PHLPP1: variants seen among roughly 807,000 people sequenced by gnomAD.
The protein encoded by PHLPP1 is PH domain and leucine rich repeat protein phosphatase 1, also known as PH domain leucine-rich repeat-containing protein phosphatase 1.
Under a neutral mutation model 117.2 loss-of-function variants are expected in PHLPP1, and 42 were observed. The observed-to-expected ratio is 0.36, with a 90% CI of 0.28 to 0.46. The LOEUF is 0.46. PHLPP1 is among the 20% of genes least tolerant of loss of function. The pLI, the probability that PHLPP1 is intolerant of heterozygous loss-of-function variation, is 1.00. For synonymous variants in PHLPP1, 1,042 were observed against 970.7 expected (o/e 1.07, Z -1.37); for missense variants, 2,084 against 2,241.9 (o/e 0.93, Z 1.42).
At chr18:62,937,155 A>G (rs927832766) in intron 10 of PHLPP1, among the ~76,000 whole-genome samples, 1 of 152,248 alleles carries the variant, frequency 6.6e-6, no homozygotes, top group Non-Finnish European at 1.5e-5. Flanking sequence ...GTGTGCTGGA[A>G]ATTACTAAAA....
chr18:62,930,392 T>C (rs1336582885), intron 10 of PHLPP1, among the ~76,000 whole-genome samples: 2 of 152,078 alleles, frequency 1.3e-5, no homozygotes, highest in African/African-American at 2.4e-5. Context: ...AGAGAGATCA[T>C]GCAAATAGAA....
At chr18:62,736,887 A>C (rs1004352731) in intron 1 of PHLPP1, among the ~76,000 whole-genome samples, 1 of 152,088 alleles carries the variant, frequency 6.6e-6, no homozygotes, top group Non-Finnish European at 1.5e-5. Flanking sequence ...GGAGCCATTT[A>C]TTTTTTTCCG....
chr18:62,832,540 G>GT (rs1914786658), intron 2 of PHLPP1, among the ~76,000 whole-genome samples: 1 of 152,192 alleles, frequency 6.6e-6, no homozygotes, highest in Non-Finnish European at 1.5e-5. Flanking sequence ...TCCCAGGTCT[G>GT]TTACTGGATG....
intron 1 of PHLPP1, among the ~76,000 whole-genome samples, chr18:62,817,977 C>A (rs372855731): frequency 1.3e-5 from 2 of 151,462 alleles, no homozygotes; most frequent in Non-Finnish European, 2.9e-5. Context: ...GCCTCAGCCT[C>A]CCGAGTAGCT....
chr18:62,807,745 C>A (rs1056311198), intron 1 of PHLPP1, among the ~76,000 whole-genome samples: 1 of 151,970 alleles, frequency 6.6e-6, no homozygotes, highest in African/African-American at 2.4e-5. Context: ...ATCTAAACTT[C>A]TAAATATAGA....
chr18:62,924,921 C>G (rs909289539), intron 10 of PHLPP1, among the ~76,000 whole-genome samples: 1 of 151,308 alleles, frequency 6.6e-6, no homozygotes, highest in Non-Finnish European at 1.5e-5. Context: ...ATTTGGTAAC[C>G]AAATAACAAA....
chr18:62,912,321 AAAAAAT>A (rs1916978266), intron 8 of PHLPP1, among the ~76,000 whole-genome samples: 1 of 145,838 alleles, frequency 6.9e-6, no homozygotes, highest in African/African-American at 2.5e-5. Context: ...AAAATTAAAA[AAAAAAT>A]AATAAAAAAC....
At chr18:62,744,371 T>G (rs901175101) in intron 1 of PHLPP1, among the ~76,000 whole-genome samples, 4 of 152,250 alleles carry the variant, frequency 2.6e-5, no homozygotes, top group Non-Finnish European at 5.9e-5. Context: ...ATTCAATGCA[T>G]TTTTTGCCTC....
chr18:62,924,446 G>A (rs1003245943), intron 10 of PHLPP1, among the ~76,000 whole-genome samples: 1 of 152,072 alleles, frequency 6.6e-6, no homozygotes, highest in African/African-American at 2.4e-5. Context: ...ACACAGAGCA[G>A]AAGACCATAT....
intron 3 of PHLPP1, 28 bp from the exon 4 acceptor site, chr18:62,860,407 A>T (rs1423098155): frequency 3.8e-6 from 6 of 1,597,824 alleles, no homozygotes; most frequent in Non-Finnish European, 5.1e-6. Flanking sequence ...AGTGGATGGT[A>T]TTAAAATTAA....
chr18:62,944,074 T>G (rs1433088567), intron 11 of PHLPP1, among the ~76,000 whole-genome samples: 1 of 152,166 alleles, frequency 6.6e-6, no homozygotes, highest in Non-Finnish European at 1.5e-5. Flanking sequence ...GGTTTTTTTT[T>G]GTTAAATTCT....
chr18:62,913,309 A>G (rs1264666999), intron 8 of PHLPP1, among the ~76,000 whole-genome samples: 5 of 152,228 alleles, frequency 3.3e-5, no homozygotes, highest in African/African-American at 1.2e-4. Context: ...ATTAAAAAAA[A>G]AAATGAGCAT....
At chr18:62,890,304 T>C (rs1017801263) in intron 4 of PHLPP1, among the ~76,000 whole-genome samples, 4 of 152,272 alleles carry the variant, frequency 2.6e-5, no homozygotes, top group African/African-American at 9.6e-5. Flanking sequence ...TCTTGCTTTG[T>C]CACCCAGGCT....
chr18:62,725,704 A>G (rs1911049711), intron 1 of PHLPP1, among the ~76,000 whole-genome samples: 1 of 152,248 alleles, frequency 6.6e-6, no homozygotes, highest in African/African-American at 2.4e-5. Context: ...AACTGTGGAA[A>G]CAAATATTTC....
chr18:62,903,156 C>T lies in PHLPP1; in HGVS notation c.2637C>T (p.Ala879=). Residue 879 remains alanine (A), a synonymous_variant, in exon 7 of 17, where the codon GCC becomes GCT. Coordinates refer to ENST00000262719, the MANE Select transcript of PHLPP1 (RefSeq NM_194449.4). ...ICGYFLKALY[A]SSNELVQLDV... ...GCTATTTCCTAAAAGCGCTCTATGC[C>T]TCTTCTAATGGTATGTATCATAGGC... The T allele has an allele frequency of 6.2e-7, 1 of 1,608,070 alleles. No homozygotes were observed. The highest frequency in any genetic ancestry group is 2.2e-5 in the East Asian group (1 of 44,842).
rs1041153604 is a variant in PHLPP1, at chr18:62,945,248, G to C, written c.3301G>C (p.Val1101Leu). 8 of 1,605,084 alleles carry C rather than the reference G, an allele frequency of 5.0e-6. No homozygotes were observed. The highest frequency in any genetic ancestry group is 5.9e-6 in the Non-Finnish European group (7 of 1,177,210). The change falls in exon 12 of 17, where the codon GTT becomes CTT. Residue 1101 changes from valine to leucine, a missense_variant. By Grantham distance (32) the Val-to-Leu change is conservative (BLOSUM62 1). Around this residue, in one of 2 missense-constraint regions of PHLPP1, gnomAD observed 1,365 missense variants for 1,605.9 expected, o/e 0.85. Coordinates refer to ENST00000262719, the MANE Select transcript of PHLPP1 (RefSeq NM_194449.4). ...CAACTGCATCGAGGTCTTTCCCGAA[G>C]TTATGCAGCTCCCAGAGATCAAGGT... ...HSNCIEVFPE[V>L]MQLPEIKCVD... is the part of the protein sequence containing the mutation.
rs200682467 is a variant in PHLPP1, at chr18:62,857,414, G to A, written c.1900-3021G>A. On this transcript the variant is annotated intron_variant, in intron 3 of 16. Transcript: ENST00000262719. ...AGCAGCTGGTTCTCTTTCTTTCCTGGTTTCAGAATATGTAAATCCCAGAGA... is the reference window on the plus strand; with the variant it reads ...AGCAGCTGGTTCTCTTTCTTTCCTGATTTCAGAATATGTAAATCCCAGAGA... 1.1e-4 allele frequency among the ~76,000 whole-genome samples: 16 copies of A among 152,148 alleles called. No individual in the cohort carries two copies. The East Asian group carries it at 2.1e-3, about 20-fold the overall frequency.
intron 1 of PHLPP1, among the ~76,000 whole-genome samples, chr18:62,749,889 G>A (rs1315021408): frequency 3.3e-5 from 5 of 152,162 alleles, no homozygotes; most frequent in East Asian, 1.9e-4. Context: ...GGTGGCACAT[G>A]CCTGTAGTTC....
At chr18:62,728,809 G>A (rs1471541724) in intron 1 of PHLPP1, among the ~76,000 whole-genome samples, 1 of 151,972 alleles carries the variant, frequency 6.6e-6, no homozygotes, top group African/African-American at 2.4e-5. Context: ...GCCTGGCCTG[G>A]TTTATCTTTT....
Sources: gnomAD v4.1 joint callset for allele counts (sites outside exome capture counted in the v4.1 genomes callset) on GRCh38, gnomAD v4.1.1 for gene constraint, gnomAD v4.1.1 regional missense constraint, MANE v1.5 for transcripts, NCBI Gene and HGNC (gene_info 2026-07-23, HGNC 2026-07-21) for gene names.